The following CDC14B variants were observed in gnomAD, a reference collection of about 807,000 sequenced individuals.
CDC14B encodes dual specificity protein phosphatase CDC14B.
Under a neutral mutation model 64.2 loss-of-function variants are expected in CDC14B, and 22 were observed. That is an observed-to-expected ratio of 0.34 (90% CI 0.24 to 0.49). The LOEUF (loss-of-function observed/expected upper bound fraction) is 0.49, where lower values mean the gene tolerates loss of function less well. CDC14B is among the 20% of genes least tolerant of loss of function. The probability of loss-of-function intolerance (pLI) is 0.99; values close to 1 mark genes in which losing one functional copy is unlikely to be tolerated. For synonymous variants in CDC14B, 191 were observed against 215.8 expected, an observed-to-expected ratio of 0.89 and a Z score of 1.01; for missense variants, 498 against 629.9, an observed-to-expected ratio of 0.79 and a Z score of 2.24.
rs190309410 is a variant in CDC14B, at chr9:96,554,361, C to G, written c.421-2489G>C. On this transcript the variant is annotated intron_variant, in intron 4 of 13. Transcript: ENST00000375241. ...AATTATACAAATTTTTCCTTAAGCA[C>G]TAATTTAAGATAATTTTTCCTGCTT... 2.6e-5 allele frequency among the ~76,000 whole-genome samples: 4 copies of G among 152,238 alleles called. No homozygotes were observed. The East Asian group carries it at 7.7e-4, about 29-fold the overall frequency.
intron 1 of CDC14B, among the ~76,000 whole-genome samples, chr9:96,569,501 G>A (rs1415104828): frequency 6.6e-6 from 1 of 152,196 alleles, no homozygotes; most frequent in African/African-American, 2.4e-5. Context: ...ACTGATTTCT[G>A]ATGTGCAATT....
At position 96,619,289 on chromosome 9, in the gene CDC14B, C is replaced by T; in HGVS notation, c.90G>A (p.Lys30=). The change falls in exon 1 of 14, where the codon AAG becomes AAA. Residue 30 remains lysine (K), a synonymous_variant. Coordinates refer to ENST00000375241, the MANE Select transcript of CDC14B (RefSeq NM_033331.4). The part of the protein sequence containing the change: ...RCSSTSPGVK[K]IRSSTQQDPR... ...GGTCTTGCTGCGTGGAGCTGCGGAT[C>T]TTCTTCACACCCGGCGAGGTCGACG... 1 of 1,345,066 alleles carries T rather than the reference C, an allele frequency of 7.4e-7. No homozygotes were observed. Among genetic ancestry groups the T allele is most frequent in the Non-Finnish European group, 9.6e-7 (1 of 1,043,904 alleles). The allele number at this position is 1,345,066 out of a possible 1,614,324, so 83.3% of individuals were successfully genotyped here.
intron 4 of CDC14B, among the ~76,000 whole-genome samples, chr9:96,557,377 C>T (rs908728927): frequency 1.3e-5 from 2 of 152,250 alleles, no homozygotes; most frequent in African/African-American, 4.8e-5. Context: ...GTCCTCCAGC[C>T]TCTGCTGTCC....
At chr9:96,618,847 G>A (rs1430589931) in intron 1 of CDC14B, 2 of 319,174 alleles carry the variant, frequency 6.3e-6, no homozygotes, top group Non-Finnish European at 1.2e-5. Context: ...AGGGCCAACC[G>A]GGCTCGCAAT....
chr9:96,619,473 G>A lies in CDC14B; in HGVS notation c.-95C>T. On this transcript the variant is annotated 5_prime_UTR_variant, in exon 1 of 14. Coordinates refer to ENST00000375241, the MANE Select transcript of CDC14B (RefSeq NM_033331.4). ...CGCCAGCCCCGCGCGGGCGCTCGGGGCGGCGGGCGCAGAGCGGCGCTGCGG... is the reference window on the plus strand; with the variant it reads ...CGCCAGCCCCGCGCGGGCGCTCGGGACGGCGGGCGCAGAGCGGCGCTGCGG... 1 of 681,254 alleles carries A rather than the reference G, an allele frequency of 1.5e-6. No individual in the cohort carries two copies. Among genetic ancestry groups the A allele is most frequent in the Non-Finnish European group, 1.8e-6 (1 of 555,240 alleles). 42.2% of individuals were successfully genotyped at this position (681,254 alleles called of 1,614,324 possible).
downstream of CDC14B, among the ~76,000 whole-genome samples, chr9:96,499,703 T>TG (rs1353078422): frequency 6.6e-6 from 1 of 152,224 alleles, no homozygotes; most frequent in African/African-American, 2.4e-5. Flanking sequence ...CCTTCAGATG[T>TG]GGCTCTATGT....
At chr9:96,586,835 T>A (rs1357135727) in intron 1 of CDC14B, among the ~76,000 whole-genome samples, 1 of 151,702 alleles carries the variant, frequency 6.6e-6, no homozygotes, top group Non-Finnish European at 1.5e-5. Context: ...ATTCCCTATA[T>A]TCTATCAACC....
chr9:96,610,966 G>A (rs1386929068), intron 1 of CDC14B, among the ~76,000 whole-genome samples: 1 of 151,856 alleles, frequency 6.6e-6, no homozygotes, highest in Non-Finnish European at 1.5e-5. Flanking sequence ...CAGCAAACAG[G>A]AAAGGACGGA....
intron 5 of CDC14B, among the ~76,000 whole-genome samples, chr9:96,548,591 C>T (rs1019589190): frequency 2.6e-5 from 4 of 152,002 alleles, no homozygotes; most frequent in Non-Finnish European, 2.9e-5. Context: ...CCAAGGTAGG[C>T]GGATCACTTC....
intron 1 of CDC14B, among the ~76,000 whole-genome samples, chr9:96,574,683 G>A (rs775279541): frequency 7.8e-5 from 7 of 89,294 alleles, no homozygotes; most frequent in South Asian, 3.1e-4. Context: ...CAACAAGAGC[G>A]AAACTCGGTC....
At position 96,502,997 on chromosome 9, in the gene CDC14B, T is replaced by C. The variant is rs1270257318; in HGVS notation, c.*756A>G. On this transcript the variant is annotated 3_prime_UTR_variant, in exon 14 of 14. Transcript: ENST00000375241. ...CAAACAATGGGCAGCCTCCCAGTTC[T>C]TCAGTCCCTGAAGGACAGAAAAAGG... 1 of 397,360 alleles carries C rather than the reference T, an allele frequency of 2.5e-6. No homozygotes were observed. Among genetic ancestry groups the C allele is most frequent in the East Asian group, 3.6e-5 (1 of 28,052 alleles). The allele number at this position is 397,360 out of a possible 1,614,324, so 24.6% of individuals were successfully genotyped here.
At chr9:96,609,057 C>T (rs2118987584) in intron 1 of CDC14B, among the ~76,000 whole-genome samples, 1 of 152,274 alleles carries the variant, frequency 6.6e-6, no homozygotes, top group African/African-American at 2.4e-5. Context: ...ACTGCAACCT[C>T]TGGTTCAAGT....
chr9:96,578,828 C>T (rs115171469), intron 1 of CDC14B, among the ~76,000 whole-genome samples: 9,027 of 152,134 alleles, frequency 0.059, 900 homozygotes, highest in African/African-American at 0.2. Flanking sequence ...GTTTCTTTTT[C>T]TTTTCTTTGA....
intron 9 of CDC14B, among the ~76,000 whole-genome samples, chr9:96,531,653 G>A (rs1838510135): frequency 6.6e-6 from 1 of 151,598 alleles, no homozygotes; most frequent in African/African-American, 2.4e-5. Context: ...TATACTACTT[G>A]CAATTTTTGT....
At chr9:96,529,319 T>C (rs1231922221) in intron 9 of CDC14B, among the ~76,000 whole-genome samples, 1 of 152,154 alleles carries the variant, frequency 6.6e-6, no homozygotes, top group East Asian at 1.9e-4. Context: ...CCAGCACCAT[T>C]TGTTGAAAAG....
At chr9:96,557,592 A>G (rs138276927) in intron 4 of CDC14B, among the ~76,000 whole-genome samples, 1,575 of 152,358 alleles carry the variant, frequency 0.01, 13 homozygotes, top group Middle Eastern at 0.054. Flanking sequence ...AGCTCTTATC[A>G]TAACTGTAGA....
intron 12 of CDC14B, among the ~76,000 whole-genome samples, chr9:96,520,774 C>G (rs1836575020): frequency 6.6e-6 from 1 of 152,074 alleles, no homozygotes; most frequent in East Asian, 1.9e-4. Flanking sequence ...GTCCCTGGAC[C>G]AGCAGCCTCG....
intron 12 of CDC14B, 32 bp downstream of exon 12, chr9:96,522,474 A>G: frequency 7.1e-7 from 1 of 1,408,088 alleles, no homozygotes; most frequent in Non-Finnish European, 1.0e-6. Context: ...ATATGAAGAA[A>G]CATCAACCAC....
rs533981709 is a variant in CDC14B at position 96,503,499 on chromosome 9, C to T, written c.*254G>A. 8.8e-5 allele frequency: 45 copies of T among 509,654 alleles called. No homozygotes were observed. The highest frequency in any genetic ancestry group is 1.5e-4 in the Non-Finnish European group (43 of 289,954). 31.6% of individuals were successfully genotyped at this position (509,654 alleles called of 1,614,324 possible). ...GGGTACCAGAGGGCTTGGGTATTTA[C>T]ACCTGAGACTAAATTTACAACAGCA... On this transcript the variant is annotated 3_prime_UTR_variant, in exon 14 of 14. Coordinates refer to ENST00000375241, the MANE Select transcript of CDC14B (RefSeq NM_033331.4).
Sources: gnomAD v4.1 joint callset for allele counts (sites outside exome capture counted in the v4.1 genomes callset) on GRCh38, gnomAD v4.1.1 for gene constraint, MANE v1.5 for transcripts, NCBI Gene and HGNC (gene_info 2026-07-23, HGNC 2026-07-21) for gene names.